FHL1: variants seen among roughly 807,000 people sequenced by gnomAD.
FHL1 encodes the protein four and a half LIM domains 1.
FHL1 carries 1 observed loss-of-function variant against 20.3 expected under a neutral mutation model. The observed-to-expected ratio is 0.05, with a 90% confidence interval of 0.02 to 0.23. FHL1 has a LOEUF of 0.23. Among genes scored for constraint, FHL1 ranks in the 10% least tolerant of loss-of-function variants. FHL1 has a pLI of 1.00. For synonymous variants in FHL1, 82 were observed against 88.9 expected, an observed-to-expected ratio of 0.92 and a Z score of 0.44; for missense variants, 177 against 234.0, an observed-to-expected ratio of 0.76 and a Z score of 1.59.
chrX:136,208,253 C>A (rs1351479331), intron 4 of FHL1, among the ~76,000 whole-genome samples: 1 of 111,994 alleles, frequency 8.9e-6, no homozygotes, highest in Non-Finnish European at 1.9e-5. Flanking sequence ...GCTGTGTAAC[C>A]TCACATAGGG....
upstream of FHL1, among the ~76,000 whole-genome samples, chrX:136,192,053 C>A (rs2148343005): frequency 8.9e-6 from 1 of 112,419 alleles, no homozygotes; most frequent in South Asian, 3.7e-4. Context: ...TAAAATGTGA[C>A]AAAGATTTAT....
At chrX:136,200,565 GAA>G (rs965387822) in intron 1 of FHL1, among the ~76,000 whole-genome samples, 2 of 112,080 alleles carry the variant, frequency 1.8e-5, no homozygotes, top group African/African-American at 6.5e-5. Flanking sequence ...CAAAGTTTTA[GAA>G]ACTTAGTTGT....
Position 136,210,859 on chromosome X carries a change from G to C in FHL1, c.*834G>C. 1 of 385,040 alleles carries C rather than the reference G, an allele frequency of 2.6e-6. No individual in the cohort carries two copies. Among genetic ancestry groups the C allele is most frequent in the Middle Eastern group, 7.5e-4 (1 of 1,333 alleles). 31.7% of individuals were successfully genotyped at this position (385,040 alleles called of 1,213,427 possible). On this transcript the variant is annotated 3_prime_UTR_variant, in exon 6 of 6. Transcript: ENST00000370683. ...TGATAGCAAAATAGTTTATGGGTTT[G>C]GAAACTTGCATGAAAATATTTTAGC...
upstream of FHL1, among the ~76,000 whole-genome samples, chrX:136,193,945 C>G (rs1330483449): frequency 1.8e-5 from 2 of 109,805 alleles, no homozygotes; most frequent in Non-Finnish European, 3.8e-5. Context: ...GTGCTTCTGT[C>G]ACACCCCAAC....
intron 2 of FHL1, among the ~76,000 whole-genome samples, chrX:136,181,082 C>A (rs770688136): frequency 8.9e-6 from 1 of 112,058 alleles, no homozygotes; most frequent in Admixed American, 9.5e-5. Context: ...TTAATGTCAA[C>A]CTAAAATAAA....
chrX:136,186,877 T>TAG (rs1569529372), intron 2 of FHL1, among the ~76,000 whole-genome samples: 2 of 7,512 alleles, frequency 2.7e-4, no homozygotes, highest in African/African-American at 1.9e-4. Context: ...TATATATATA[T>TAG]ATATAGATAG....
At chrX:136,185,087 T>G (rs1024207238) in intron 2 of FHL1, among the ~76,000 whole-genome samples, 5 of 112,431 alleles carry the variant, frequency 4.4e-5, no homozygotes, top group African/African-American at 1.6e-4. Flanking sequence ...CAATTTAAAA[T>G]TCTAACAGTA....
chrX:136,180,934 G>A (rs1387249156), intron 2 of FHL1, among the ~76,000 whole-genome samples: 1 of 111,573 alleles, frequency 9.0e-6, no homozygotes, highest in Non-Finnish European at 1.9e-5. Flanking sequence ...TAGAGACGGG[G>A]TTTTGCCATG....
chrX:136,178,597 AAAAC>A (rs76194486), intron 2 of FHL1, among the ~76,000 whole-genome samples: 31,369 of 109,124 alleles, frequency 0.29, 3,940 homozygotes, highest in East Asian at 0.53. Flanking sequence ...CTCTGTCAAA[AAAAC>A]AAACAGACAA....
chrX:136,187,791 T>C (rs888600458), intron 2 of FHL1, among the ~76,000 whole-genome samples: 2 of 111,831 alleles, frequency 1.8e-5, no homozygotes, highest in African/African-American at 6.5e-5. Flanking sequence ...ATGATTGATA[T>C]ACATTATGAA....
At position 136,207,034 on chromosome X, in the gene FHL1, C is replaced by T. The variant is rs1343871742; in HGVS notation, c.223C>T (p.Arg75Cys). The T allele has an allele frequency of 5.0e-6, 6 of 1,211,233 alleles. No individual in the cohort carries two copies. Among genetic ancestry groups the T allele is most frequent in the South Asian group, 3.5e-5 (2 of 56,939 alleles). The change falls in exon 3 of 6, where the codon CGC becomes TGC. Residue 75 changes from arginine to cysteine, a missense_variant. Coordinates refer to ENST00000370683, the MANE Select transcript of FHL1 (RefSeq NM_001159699.2). Reference sequence around the variant, plus strand: ...TTTCCAGGAGGTGCACTATAAGAACCGCTTCTGGCATGACACCTGCTTCCG... The same window carrying T: ...TTTCCAGGAGGTGCACTATAAGAACTGCTTCTGGCATGACACCTGCTTCCG... ...ADSKEVHYKN[R>C]FWHDTCFRCA... is the part of the protein sequence containing the mutation.
intron 2 of FHL1, among the ~76,000 whole-genome samples, chrX:136,178,985 G>C (rs979456716): frequency 9.0e-6 from 1 of 111,434 alleles, no homozygotes; most frequent in Non-Finnish European, 1.9e-5. Context: ...TCGAACTCCT[G>C]ACTTCAAGTG....
chrX:136,165,180 G>A (rs975187862), upstream of FHL1, among the ~76,000 whole-genome samples: 97 of 111,501 alleles, frequency 8.7e-4, no homozygotes, highest in African/African-American at 2.9e-3. Flanking sequence ...GTTTTTGCTT[G>A]TTTATTAAAT....
chrX:136,167,368 C>T (rs2072739623), upstream of FHL1, among the ~76,000 whole-genome samples: 1 of 109,899 alleles, frequency 9.1e-6, no homozygotes, highest in Non-Finnish European at 1.9e-5. Context: ...ACCACGCCGG[C>T]TAATTTTTGT....
chrX:136,189,845 T>C (rs1052550080), intron 2 of FHL1, among the ~76,000 whole-genome samples: 1 of 111,936 alleles, frequency 8.9e-6, no homozygotes, highest in African/African-American at 3.2e-5. Context: ...AAAATAGATA[T>C]ACTAATCTCA....
At chrX:136,156,384 C>T (rs1208420771) in intron 1 of FHL1, among the ~76,000 whole-genome samples, 1 of 107,712 alleles carries the variant, frequency 9.3e-6, no homozygotes, top group African/African-American at 3.4e-5. Flanking sequence ...CGGGTTCAAG[C>T]GATTCTCCTG....
intron 2 of FHL1, among the ~76,000 whole-genome samples, chrX:136,190,820 G>C (rs749084093): frequency 2.7e-5 from 3 of 112,169 alleles, no homozygotes; most frequent in African/African-American, 9.7e-5. Flanking sequence ...ACCTGGAGCA[G>C]CTGTTAACTC....
chrX:136,168,727 G>A (rs772516845), upstream of FHL1, among the ~76,000 whole-genome samples: 1 of 111,433 alleles, frequency 9.0e-6, no homozygotes, highest in Admixed American at 9.5e-5. Context: ...GACAATCGTC[G>A]TCAGGATCTC....
At chrX:136,157,530 C>T (rs1271262808) in intron 1 of FHL1, among the ~76,000 whole-genome samples, 1 of 111,585 alleles carries the variant, frequency 9.0e-6, no homozygotes, top group Admixed American at 9.5e-5. Context: ...TGAGTTTAGA[C>T]AGATGTATAT....
Sources: gnomAD v4.1 joint callset for allele counts (sites outside exome capture counted in the v4.1 genomes callset) on GRCh38, gnomAD v4.1.1 for gene constraint, MANE v1.5 for transcripts, NCBI Gene and HGNC (gene_info 2026-07-23, HGNC 2026-07-21) for gene names.